Variants in SLC34A3 observed in about 807,000 individuals in gnomAD.
SLC34A3 encodes sodium-dependent phosphate transport protein 2C.
In SLC34A3, 60 loss-of-function variants were observed where a neutral mutation model predicts 43.9. The ratio of observed to expected loss-of-function variants is 1.37; its 90% CI spans 1.11 to 1.70. The LOEUF is 1.70. SLC34A3 is among the 40% of genes most tolerant of loss of function. The probability of loss-of-function intolerance (pLI) is 0.00; values close to 1 mark genes in which losing one functional copy is unlikely to be tolerated. For missense variants in SLC34A3, 969 were observed against 823.8 expected, an observed-to-expected ratio of 1.18 and a Z score of -2.16; for synonymous variants, 451 against 386.2, an observed-to-expected ratio of 1.17 and a Z score of -1.97.
rs1356906012 is a variant in SLC34A3, at chr9:137,234,384, G to A, written c.1094-32G>A. ...GGGCTACCTGGCCCTCCTTGTGGGCGCTGGCCAGGGCTGACCCGGCATCCC... is the reference window on the plus strand; with the variant it reads ...GGGCTACCTGGCCCTCCTTGTGGGCACTGGCCAGGGCTGACCCGGCATCCC... On this transcript the variant is annotated intron_variant, in intron 10 of 12. Transcript: ENST00000673835. This position sits in a 1 kb window ranked among gnomAD's most constrained non-coding sequence, Gnocchi z 6.9. The A allele has an allele frequency of 5.0e-6, 8 of 1,594,256 alleles. No homozygotes were observed. The highest frequency in any genetic ancestry group is 2.2e-5 in the East Asian group (1 of 44,660).
In SLC34A3 at chr9:137,232,834, G is replaced by C. The variant is rs1290934314; in HGVS notation, c.355G>C (p.Val119Leu). 1 of 1,612,994 alleles carries C rather than the reference G, an allele frequency of 6.2e-7. No homozygotes were observed. The highest frequency in any genetic ancestry group is 1.3e-5 in the African/African-American group (1 of 74,940). Residue 119 changes from valine to leucine, a missense_variant, in exon 5 of 13, where the codon GTG becomes CTG. Val to Leu is a conservative substitution (Grantham distance 32). Transcript: ENST00000673835. ...FKDNVVLSNP[V>L]AGLVIGVLVT... ...GGACAACGTGGTGCTGTCCAACCCT[G>C]TGGCTGGACTGGTCATTGGCGTGCT...
upstream of SLC34A3, among the ~76,000 whole-genome samples, chr9:137,230,238 G>A (rs767035368): frequency 2.0e-5 from 3 of 152,156 alleles, no homozygotes; most frequent in Non-Finnish European, 2.9e-5. Context: ...GCCAGGCAGC[G>A]GGTGGGGAAG....
Position 137,234,651 on chromosome 9 carries a change from G to A in SLC34A3, c.1255G>A (p.Gly419Ser), listed in dbSNP as rs1836483445. Residue 419 changes from glycine (G) to serine (S), a missense_variant, in exon 12 of 13, where the codon GGC (glycine) becomes AGC (serine). Coordinates refer to ENST00000673835, the MANE Select transcript of SLC34A3 (RefSeq NM_001177316.2). The surrounding 1 kb of genome is among the most constrained non-coding windows in gnomAD (Gnocchi z 6.9). ...GGACCGGGCGTACCCCCTCTTACTGGGCTCCAACATCGGCACCACTACCAC... is the reference window on the plus strand; with the variant it reads ...GGACCGGGCGTACCCCCTCTTACTGAGCTCCAACATCGGCACCACTACCAC... The part of the protein sequence containing the change: ...SLDRAYPLLL[G>S]SNIGTTTTAL... The A allele has an allele frequency of 6.2e-7, 1 of 1,612,310 alleles. No homozygotes were observed. Among genetic ancestry groups the A allele is most frequent in the Admixed American group, 1.7e-5 (1 of 59,988 alleles).
chr9:137,234,482 T>C lies in SLC34A3; in HGVS notation c.1160T>C (p.Phe387Ser), dbSNP rs745352438. The change falls in exon 11 of 13, where the codon TTC becomes TCC. Residue 387 changes from phenylalanine to serine, a missense_variant. Coordinates refer to ENST00000673835, the MANE Select transcript of SLC34A3 (RefSeq NM_001177316.2). This position sits in a 1 kb window ranked among gnomAD's most constrained non-coding sequence, Gnocchi z 6.9. ...LAVLAGAGLT[F>S]ALQSSSVFTA... ...GTCCTCGCGGGCGCCGGCCTGACCT[T>C]CGCACTGCAGAGCAGCAGCGTCTTC... 1 of 1,602,492 alleles carries C rather than the reference T, an allele frequency of 6.2e-7. No individual in the cohort carries two copies.
At chr9:137,233,779 T>TTTGGCCCCCCCC in intron 8 of SLC34A3, 57 bp downstream of exon 8, 1 of 1,445,822 alleles carries the variant, frequency 6.9e-7, no homozygotes, top group Non-Finnish European at 9.6e-7. Context: ...TGCTGAGTCA[T>TTTGGCCCCCCCC]CCCGCCCCAC....
Position 137,233,401 on chromosome 9 carries a change from G to GA in SLC34A3, c.753_754insA (p.Gln252ThrfsTer17). On this transcript the variant is annotated frameshift_variant, in exon 7 of 13. Coordinates refer to ENST00000673835, the MANE Select transcript of SLC34A3 (RefSeq NM_001177316.2). LOFTEE classifies it high-confidence loss of function. ...CGAAGCCGCTCACACACCTCATCGTGCAGGTGAGGACGGCCACCGCCCCCG... is the reference window on the plus strand; with the variant it reads ...CGAAGCCGCTCACACACCTCATCGTGACAGGTGAGGACGGCCACCGCCCCCG... 1 of 1,602,826 alleles carries GA rather than the reference G, an allele frequency of 6.2e-7. No homozygotes were observed. The highest frequency in any genetic ancestry group is 8.5e-7 in the Non-Finnish European group (1 of 1,176,624).
Position 137,236,354 on chromosome 9 carries a change from G to GCCA in SLC34A3, c.1745_1747dup (p.Thr582dup), listed in dbSNP as rs758584388. 1.3e-6 allele frequency: 2 copies of GCCA among 1,540,704 alleles called. No homozygotes were observed. Among genetic ancestry groups the GCCA allele is most frequent in the African/African-American group, 2.7e-5 (2 of 73,034 alleles). On this transcript the variant is annotated inframe_insertion, in exon 13 of 13. Coordinates refer to ENST00000673835, the MANE Select transcript of SLC34A3 (RefSeq NM_001177316.2). ...CTGCAACGTCTGCAGCCCCCCGAAG[G>GCCA]CCACCACCAAAGAGGCCTACTGCTA...
In SLC34A3 at chr9:137,231,681, G is replaced by T; in HGVS notation, c.-22G>T. 1 of 1,608,640 alleles carries T rather than the reference G, an allele frequency of 6.2e-7. No homozygotes were observed. The highest frequency in any genetic ancestry group is 1.3e-5 in the African/African-American group (1 of 74,914). The stretch of plus-strand genomic sequence containing the variant: ...CCCAGCAGATCTAGACCTGGGCCTG[G>T]GTCTGTCCCTGCCCGAAATCCATGC... On this transcript the variant is annotated 5_prime_UTR_variant, in exon 2 of 13. Transcript: ENST00000673835.
chr9:137,236,475 C>A lies in SLC34A3; in HGVS notation c.*59C>A. ...CCGGCTGGGAGGGCTCTGGAGGGCC[C>A]TGGAGGGGGGGTCCCCGCGGCAGCT... On this transcript the variant is annotated 3_prime_UTR_variant, in exon 13 of 13. Transcript: ENST00000673835. 1 of 1,441,688 alleles carries A rather than the reference C, an allele frequency of 6.9e-7. No homozygotes were observed. The highest frequency in any genetic ancestry group is 9.4e-7 in the Non-Finnish European group (1 of 1,061,868). 89.3% of individuals were successfully genotyped at this position (1,441,688 alleles called of 1,614,324 possible). A position where few individuals can be genotyped will look rare whatever the true frequency, so the allele number is the denominator to read the frequency against.
intron 12 of SLC34A3, among the ~76,000 whole-genome samples, chr9:137,235,218 C>T (rs1341745201): frequency 6.6e-6 from 1 of 152,128 alleles, no homozygotes; most frequent in Non-Finnish European, 1.5e-5. Flanking sequence ...GGACACTTCC[C>T]CCAGTCTGAG....
intron 3 of SLC34A3, 142 bp from the exon 4 acceptor site, chr9:137,232,433 G>T (rs1289955906): frequency 1.6e-6 from 2 of 1,264,304 alleles, no homozygotes; most frequent in Admixed American, 4.0e-5. Flanking sequence ...CCCGGGCCCT[G>T]CCCTGGGGGT....
At chr9:137,230,247 A>C (rs1489674061), upstream of SLC34A3, among the ~76,000 whole-genome samples, 1 of 152,074 alleles carries the variant, frequency 6.6e-6, no homozygotes, top group African/African-American at 2.4e-5. Context: ...CGGGTGGGGA[A>C]GGTGGCCTGG....
Position 137,236,347 on chromosome 9 carries a change from C to A in SLC34A3, c.1731C>A (p.Pro577=), listed in dbSNP as rs1280576366. ...TRCCPCNVCS[P]PKATTKEAYC... Reference sequence around the variant, plus strand: ...GCTGCCCCTGCAACGTCTGCAGCCCCCCGAAGGCCACCACCAAAGAGGCCT... The same window carrying A: ...GCTGCCCCTGCAACGTCTGCAGCCCACCGAAGGCCACCACCAAAGAGGCCT... Residue 577 remains proline, a synonymous_variant, in exon 13 of 13, where the codon CCC becomes CCA. Coordinates refer to ENST00000673835, the MANE Select transcript of SLC34A3 (RefSeq NM_001177316.2). The A allele has an allele frequency of 1.3e-6, 2 of 1,541,280 alleles. No individual in the cohort carries two copies. The highest frequency in any genetic ancestry group is 1.7e-6 in the Non-Finnish European group (2 of 1,146,778).
rs374826755 is a variant in SLC34A3, at chr9:137,234,464, C to A, written c.1142C>A (p.Ala381Glu). The A allele has an allele frequency of 4.4e-6, 7 of 1,599,540 alleles. No homozygotes were observed. Among genetic ancestry groups the A allele is most frequent in the Non-Finnish European group, 5.9e-6 (7 of 1,179,226 alleles). The change falls in exon 11 of 13, where the codon GCG becomes GAG. Residue 381 changes from alanine (A) to glutamate (E), a missense_variant. Ala to Glu is a moderately radical substitution (Grantham distance 107). Transcript: ENST00000673835. The surrounding 1 kb of genome is among the most constrained non-coding windows in gnomAD (Gnocchi z 6.9). Reference sequence around the variant, plus strand: ...CTCGGCGGCTACCTGGCCGTCCTCGCGGGCGCCGGCCTGACCTTCGCACTG... The same window carrying A: ...CTCGGCGGCTACCTGGCCGTCCTCGAGGGCGCCGGCCTGACCTTCGCACTG... ...GWLGGYLAVL[A>E]GAGLTFALQS...
intron 7 of SLC34A3, 61 bp downstream of exon 7, chr9:137,233,465 G>A: frequency 6.3e-7 from 1 of 1,584,924 alleles, no homozygotes; most frequent in East Asian, 2.3e-5. Context: ...AGGAGGGGAG[G>A]CCCGCCCTGC....
At chr9:137,232,418 AG>A (rs1331846015) in intron 3 of SLC34A3, among the ~76,000 whole-genome samples, 156 bp from the exon 4 acceptor site, 2 of 152,206 alleles carry the variant, frequency 1.3e-5, no homozygotes, top group African/African-American at 4.8e-5. Flanking sequence ...TTGGAAAGGC[AG>A]GAACCCGGGC....
At position 137,236,247 on chromosome 9, in the gene SLC34A3, T is replaced by C. The variant is rs1588853197; in HGVS notation, c.1631T>C (p.Val544Ala). 5 of 1,549,484 alleles carry C rather than the reference T, an allele frequency of 3.2e-6. No homozygotes were observed. The Admixed American group carries it at 5.8e-5, about 18-fold the overall frequency. ...LQRRRPAWLPVRLRSWAWLPV... is the reference protein window; with the variant it reads ...LQRRRPAWLPARLRSWAWLPV... The stretch of plus-strand genomic sequence containing the variant: ...CGGCGCCGGCCGGCCTGGCTGCCTG[T>C]CCGCCTGCGCTCCTGGGCCTGGCTC... The change falls in exon 13 of 13, where the codon GTC becomes GCC. Residue 544 changes from valine (V) to alanine (A), a missense_variant. Physicochemically the swap from Val to Ala is moderately conservative, Grantham distance 64. Transcript: ENST00000673835.
rs1437415130 is a variant in SLC34A3, at chr9:137,233,339, C to A, written c.691C>A (p.Pro231Thr). 6.2e-7 allele frequency: 1 copy of A among 1,605,346 alleles called. No individual in the cohort carries two copies. Among genetic ancestry groups the A allele is most frequent in the Non-Finnish European group, 8.5e-7 (1 of 1,176,962 alleles). The change falls in exon 7 of 13, where the codon CCC becomes ACC. Residue 231 changes from proline (P) to threonine (T), a missense_variant. Transcript: ENST00000673835. ...AGCCCTGGGTGCCGCCAGCCTGACACCCAGGGCGCAGGCGCCCGACATCCT... is the reference window on the plus strand; with the variant it reads ...AGCCCTGGGTGCCGCCAGCCTGACAACCAGGGCGCAGGCGCCCGACATCCT... ...ELALGAASLTPRAQAPDILKV... is the reference protein window; with the variant it reads ...ELALGAASLTTRAQAPDILKV...
chr9:137,234,072 C>A lies in SLC34A3; in HGVS notation c.926-37C>A. On this transcript the variant is annotated intron_variant, in intron 9 of 12. Transcript: ENST00000673835. This position sits in a 1 kb window ranked among gnomAD's most constrained non-coding sequence, Gnocchi z 6.9. ...GGCCCGGCCCACCCCGGCCCACCCC[C>A]CAGGCTCCCCCTCACCTGCCCCTGC... The A allele has an allele frequency of 2.0e-6, 3 of 1,501,226 alleles. No homozygotes were observed. The highest frequency in any genetic ancestry group is 2.7e-6 in the Non-Finnish European group (3 of 1,117,236). The allele number at this position is 1,501,226 out of a possible 1,614,324, so 93.0% of individuals were successfully genotyped here.
Sources: gnomAD v4.1 joint callset for allele counts (sites outside exome capture counted in the v4.1 genomes callset) on GRCh38, gnomAD v4.1.1 for gene constraint, Gnocchi (gnomAD v3.1) non-coding constraint, MANE v1.5 for transcripts, NCBI Gene and HGNC (gene_info 2026-07-23, HGNC 2026-07-21) for gene names.